Variants in SSBP2 observed in about 807,000 individuals in gnomAD.
SSBP2 encodes the protein single stranded DNA binding protein 2.
A neutral mutation model predicts 61.8 loss-of-function variants in SSBP2; 17 were observed. That is an observed-to-expected ratio of 0.28 (90% CI 0.19 to 0.41). The LOEUF (loss-of-function observed/expected upper bound fraction) is 0.41. SSBP2 is among the 10% of genes least tolerant of loss of function. The probability of loss-of-function intolerance (pLI) is 1.00; values close to 1 mark genes in which losing one functional copy is unlikely to be tolerated. For missense variants in SSBP2, 310 were observed against 458.7 expected (o/e 0.68, Z 2.96); for synonymous variants, 139 against 141.3 (o/e 0.98, Z 0.12).
intron 5 of SSBP2, among the ~76,000 whole-genome samples, chr5:81,501,600 T>G (rs1767782229): frequency 6.8e-6 from 1 of 146,384 alleles, no homozygotes; most frequent in Non-Finnish European, 1.5e-5. Flanking sequence ...TCTCACTCTG[T>G]GGCCCAGGCT....
intron 1 of SSBP2, among the ~76,000 whole-genome samples, chr5:81,651,446 T>C (rs2153712786): frequency 6.6e-6 from 1 of 152,290 alleles, no homozygotes; most frequent in African/African-American, 2.4e-5. Context: ...TCTTTCCCCA[T>C]TCCAAAATTG....
At chr5:81,587,472 G>A (rs546428024) in intron 4 of SSBP2, among the ~76,000 whole-genome samples, 78 of 152,246 alleles carry the variant, frequency 5.1e-4, no homozygotes, top group Non-Finnish European at 8.8e-4. Context: ...TGGTTCACGC[G>A]TGAAATCCCA....
chr5:81,751,442 C>T (rs1010655437), upstream of SSBP2, among the ~76,000 whole-genome samples: 1 of 152,242 alleles, frequency 6.6e-6, no homozygotes, highest in Non-Finnish European at 1.5e-5. Context: ...CCACCCCTCC[C>T]CCCGCGCCGC....
At chr5:81,650,618 AT>A in intron 1 of SSBP2, among the ~76,000 whole-genome samples, 1 of 152,086 alleles carries the variant, frequency 6.6e-6, no homozygotes, top group East Asian at 1.9e-4. Context: ...TCATAAGCTC[AT>A]TCCCATTGCT....
chr5:81,492,848 C>A (rs2154057384), intron 5 of SSBP2, among the ~76,000 whole-genome samples: 1 of 152,058 alleles, frequency 6.6e-6, no homozygotes, highest in East Asian at 1.9e-4. Context: ...CTTCTAAAGT[C>A]CCTTTTAAAA....
intron 1 of SSBP2, among the ~76,000 whole-genome samples, chr5:81,680,713 CAT>C (rs1241531247): frequency 2.6e-5 from 4 of 152,088 alleles, no homozygotes; most frequent in Admixed American, 1.3e-4. Context: ...TCCAAGAAGA[CAT>C]AAAAAACTTT....
intron 4 of SSBP2, among the ~76,000 whole-genome samples, chr5:81,570,017 A>T (rs1316097908): frequency 1.3e-5 from 2 of 151,958 alleles, no homozygotes; most frequent in Non-Finnish European, 2.9e-5. Flanking sequence ...ACTCTGATTT[A>T]AAAAAAAGAC....
At chr5:81,706,749 C>T (rs1404447841) in intron 1 of SSBP2, among the ~76,000 whole-genome samples, 1 of 152,160 alleles carries the variant, frequency 6.6e-6, no homozygotes, top group East Asian at 1.9e-4. Context: ...ATCTTCTTAC[C>T]GTTTGTTTAT....
intron 12 of SSBP2, among the ~76,000 whole-genome samples, chr5:81,445,416 A>AC (rs1211185326): frequency 2.0e-5 from 3 of 151,400 alleles, no homozygotes; most frequent in Non-Finnish European, 4.4e-5. Flanking sequence ...TGCTCCAAAA[A>AC]CTTTTTTTTA....
chr5:81,484,307 A>G (rs578008513), intron 6 of SSBP2, among the ~76,000 whole-genome samples: 2 of 152,280 alleles, frequency 1.3e-5, no homozygotes, highest in East Asian at 3.9e-4. Flanking sequence ...AACCTCCATA[A>G]AACTATAACT....
intron 2 of SSBP2, among the ~76,000 whole-genome samples, chr5:81,638,195 T>G (rs1390842067): frequency 6.6e-6 from 1 of 151,612 alleles, no homozygotes; most frequent in East Asian, 1.9e-4. Flanking sequence ...ATGGCACATG[T>G]ATACATATGT....
chr5:81,594,211 A>C (rs1743456021), intron 4 of SSBP2, among the ~76,000 whole-genome samples: 1 of 152,230 alleles, frequency 6.6e-6, no homozygotes, highest in Non-Finnish European at 1.5e-5. Context: ...GATAAAACAG[A>C]CTTTAAACCA....
At position 81,419,610 on chromosome 5, in the gene SSBP2, G is replaced by T. The variant is rs1462156280; in HGVS notation, c.*894C>A. 2.0e-5 allele frequency: 3 copies of T among 152,152 alleles called. No homozygotes were observed. Among genetic ancestry groups the T allele is most frequent in the Admixed American group, 6.5e-5 (1 of 15,272 alleles). The allele number at this position is 152,152 out of a possible 1,614,324, so 9.4% of individuals were successfully genotyped here. On this transcript the variant is annotated 3_prime_UTR_variant, in exon 17 of 17. Coordinates refer to ENST00000320672, the MANE Select transcript of SSBP2 (RefSeq NM_012446.5). ...GGGCTTCATCATGTTAAAGAGAAAA[G>T]ATGTTGCTAAATATATGACAACCCC...
chr5:81,584,085 A>G (rs1221289658), intron 4 of SSBP2, among the ~76,000 whole-genome samples: 1 of 152,204 alleles, frequency 6.6e-6, no homozygotes, highest in Non-Finnish European at 1.5e-5. Context: ...ACACATCATA[A>G]ATCTGGAGAG....
At chr5:81,499,572 G>A (rs150870725) in intron 5 of SSBP2, among the ~76,000 whole-genome samples, 24 of 152,152 alleles carry the variant, frequency 1.6e-4, no homozygotes, top group South Asian at 6.2e-4. Context: ...AGAAAAATTC[G>A]GTGTGAGGCA....
chr5:81,571,085 T>A lies in SSBP2; in HGVS notation c.282+44388A>T, dbSNP rs182606992. ...TATATATGACAGGTTAGAGGAATTATCTTGGTTTCTTTTGTGGAGCAAACA... is the reference window on the plus strand; with the variant it reads ...TATATATGACAGGTTAGAGGAATTAACTTGGTTTCTTTTGTGGAGCAAACA... On this transcript the variant is annotated intron_variant, in intron 4 of 16. Transcript: ENST00000320672. Among the ~76,000 whole-genome samples, 267 of 152,338 alleles carry A rather than the reference T, an allele frequency of 1.8e-3. 3 individuals carry two copies. The highest frequency in any genetic ancestry group is 2.5e-3 in the Non-Finnish European group (170 of 68,024).
At chr5:81,522,721 C>A (rs1769586202) in intron 4 of SSBP2, among the ~76,000 whole-genome samples, 1 of 152,140 alleles carries the variant, frequency 6.6e-6, no homozygotes, top group Admixed American at 6.6e-5. Context: ...TTTGTTTGCA[C>A]AGGGACACAA....
In SSBP2 at chr5:81,530,393, G is replaced by T. The variant is rs534087911; in HGVS notation, c.283-16676C>A. ...AGAAACATACAACTGAAACACAGAT[G>T]AAAAGACAAGGCTGGATAAATATCT... On this transcript the variant is annotated intron_variant, in intron 4 of 16. Transcript: ENST00000320672. 6.6e-5 allele frequency among the ~76,000 whole-genome samples: 10 copies of T among 152,186 alleles called. No individual in the cohort carries two copies. The East Asian group carries it at 1.9e-3, about 29-fold the overall frequency.
intron 2 of SSBP2, among the ~76,000 whole-genome samples, chr5:81,646,310 G>A (rs567498185): frequency 1.1e-4 from 16 of 152,062 alleles, no homozygotes; most frequent in Non-Finnish European, 1.8e-4. Flanking sequence ...GAGAACATTG[G>A]ATAATGTTAT....
Sources: allele counts gnomAD v4.1 joint callset (sites outside exome capture counted in the v4.1 genomes callset), GRCh38; gene constraint gnomAD v4.1.1; transcripts MANE v1.5; gene names NCBI Gene and HGNC (gene_info 2026-07-23, HGNC 2026-07-21).